ARHGAP42: variants seen among roughly 807,000 people sequenced by gnomAD.
ARHGAP42 encodes rho GTPase-activating protein 42.
Under a neutral mutation model 125.0 loss-of-function variants are expected in ARHGAP42, and 63 were observed. The ratio of observed to expected loss-of-function variants is 0.50; its 90% confidence interval spans 0.41 to 0.62. The LOEUF (loss-of-function observed/expected upper bound fraction) is 0.62. Ranked by LOEUF, ARHGAP42 falls within the 20% of genes least tolerant of loss-of-function variation. The pLI is 0.00. For missense variants in ARHGAP42, 766 were observed against 1,024.2 expected, an observed-to-expected ratio of 0.75 and a Z score of 3.44; for synonymous variants, 339 against 351.0, an observed-to-expected ratio of 0.97 and a Z score of 0.38.
intron 1 of ARHGAP42, among the ~76,000 whole-genome samples, chr11:100,733,825 G>GAA (rs551074447): frequency 0.23 from 7,269 of 31,368 alleles, 1,814 homozygotes; most frequent in Non-Finnish European, 0.26. Flanking sequence ...ATTCTGTCTG[G>GAA]AAAAAAAAAA....
At chr11:100,784,286 G>C (rs626558) in intron 2 of ARHGAP42, among the ~76,000 whole-genome samples, 76,301 of 151,954 alleles carry the variant, frequency 0.5, 19,990 homozygotes, top group South Asian at 0.63. Context: ...CAAATTATTT[G>C]CAGTTTGGAG....
intron 2 of ARHGAP42, among the ~76,000 whole-genome samples, chr11:100,773,852 GT>G (rs1863042540): frequency 6.6e-6 from 1 of 152,200 alleles, no homozygotes; most frequent in African/African-American, 2.4e-5. Context: ...GCTTTGTGAA[GT>G]TAAATCTCAG....
chr11:100,739,556 T>G (rs1323489078), intron 1 of ARHGAP42, among the ~76,000 whole-genome samples: 3 of 152,218 alleles, frequency 2.0e-5, no homozygotes, highest in Non-Finnish European at 4.4e-5. Context: ...ATATTTTGCA[T>G]AGTGAAGTGT....
chr11:100,969,542 AT>A (rs888348036), intron 17 of ARHGAP42, among the ~76,000 whole-genome samples: 3 of 150,648 alleles, frequency 2.0e-5, no homozygotes, highest in Non-Finnish European at 3.0e-5. Flanking sequence ...ATCTTTCTTT[AT>A]TTTTTTCTTT....
At chr11:100,883,451 T>A (rs1196879631) in intron 4 of ARHGAP42, among the ~76,000 whole-genome samples, 1 of 152,156 alleles carries the variant, frequency 6.6e-6, no homozygotes, top group Non-Finnish European at 1.5e-5. Context: ...CAAGCAATTC[T>A]CCTGCCTCAG....
chr11:100,923,170 C>G (rs1423093824), intron 6 of ARHGAP42, among the ~76,000 whole-genome samples: 5 of 152,174 alleles, frequency 3.3e-5, no homozygotes, highest in Non-Finnish European at 7.3e-5. Context: ...TTCCCATTGA[C>G]TAAGTCCCAC....
At chr11:100,870,589 A>G (rs1160118658) in intron 4 of ARHGAP42, among the ~76,000 whole-genome samples, 1 of 152,168 alleles carries the variant, frequency 6.6e-6, no homozygotes, top group Admixed American at 6.5e-5. Flanking sequence ...TAGAAGCTAT[A>G]TGTTATTTCT....
chr11:100,729,442 TGAATTTGGCCCA>T (rs1184405190), intron 1 of ARHGAP42, among the ~76,000 whole-genome samples: 1 of 152,196 alleles, frequency 6.6e-6, no homozygotes, highest in Non-Finnish European at 1.5e-5. Flanking sequence ...GCTTCTGTTG[TGAATTTGGCCCA>T]GTTTTGGAGC....
chr11:100,766,689 G>A (rs1862837289), intron 1 of ARHGAP42, among the ~76,000 whole-genome samples: 1 of 152,178 alleles, frequency 6.6e-6, no homozygotes, highest in Admixed American at 6.6e-5. Flanking sequence ...TTTAGAGGTT[G>A]ATCATTATTA....
intron 3 of ARHGAP42, among the ~76,000 whole-genome samples, chr11:100,804,744 C>T (rs961147812): frequency 2.6e-5 from 4 of 151,906 alleles, no homozygotes; most frequent in Admixed American, 2.0e-4. Context: ...AAACTCCTGA[C>T]CTCGTGATCC....
At position 100,794,075 on chromosome 11, in the gene ARHGAP42, C is replaced by CAAAAAAAAAAAAAAAA. The variant is rs869272420; in HGVS notation, c.251-1008_251-993dup. Reference sequence around the variant, plus strand: ...CGAACAACAGAGCTAGACCCTGTCTCAAAAAAAAAAAAAAAAAAAAAAAAA... The same window carrying CAAAAAAAAAAAAAAAA: ...CGAACAACAGAGCTAGACCCTGTCTCAAAAAAAAAAAAAAAAAAAAAAAAAAAAAAAAAAAAAAAAA... On this transcript the variant is annotated intron_variant, in intron 2 of 23. Transcript: ENST00000298815. Among the ~76,000 whole-genome samples the CAAAAAAAAAAAAAAAA allele has an allele frequency of 6.7e-5, 3 of 44,844 alleles. 1 individual carries two copies. The highest frequency in any genetic ancestry group is 2.1e-4 in the African/African-American group (3 of 14,294). The allele number at this position is 44,844 out of a possible 152,430, so 29.4% of individuals were successfully genotyped here.
intron 1 of ARHGAP42, among the ~76,000 whole-genome samples, chr11:100,761,118 T>G: frequency 6.6e-6 from 1 of 151,760 alleles, no homozygotes; most frequent in African/African-American, 2.4e-5. Context: ...GGTAACTTAG[T>G]ATTTGTAGTT....
At chr11:100,881,764 G>C (rs768566041) in intron 4 of ARHGAP42, among the ~76,000 whole-genome samples, 5 of 152,164 alleles carry the variant, frequency 3.3e-5, no homozygotes, top group Non-Finnish European at 7.4e-5. Context: ...CAGCAGTGTT[G>C]TAGTTTTCCT....
Position 100,904,730 on chromosome 11 carries a change from A to G in ARHGAP42, c.385-8722A>G, listed in dbSNP as rs148777459. On this transcript the variant is annotated intron_variant, in intron 4 of 23. Coordinates refer to ENST00000298815, the MANE Select transcript of ARHGAP42 (RefSeq NM_152432.4). ...GGTTGCATTTTACTTTGCAAGGAAC[A>G]TGGAACTGGGAACCAGATAGATTTA... Among the ~76,000 whole-genome samples, 880 of 152,340 alleles carry G rather than the reference A, an allele frequency of 5.8e-3. 5 individuals are homozygous for G. The highest frequency in any genetic ancestry group is 0.02 in the African/African-American group (841 of 41,572).
chr11:100,942,433 C>T (rs1201170014), intron 9 of ARHGAP42, among the ~76,000 whole-genome samples: 7 of 152,128 alleles, frequency 4.6e-5, no homozygotes, highest in Non-Finnish European at 1.0e-4. Flanking sequence ...GTATAGAATA[C>T]AATGTACTTT....
intron 1 of ARHGAP42, among the ~76,000 whole-genome samples, chr11:100,720,806 CTG>C (rs1565540823): frequency 6.6e-6 from 1 of 151,952 alleles, no homozygotes; most frequent in East Asian, 1.9e-4. Context: ...AAAAATTTAA[CTG>C]TTTTTACCAT....
chr11:100,898,391 G>A (rs915900979), intron 4 of ARHGAP42, among the ~76,000 whole-genome samples: 1 of 152,116 alleles, frequency 6.6e-6, no homozygotes, highest in Non-Finnish European at 1.5e-5. Flanking sequence ...TTTTTCTATT[G>A]ATTGGAATAA....
intron 4 of ARHGAP42, among the ~76,000 whole-genome samples, chr11:100,873,756 G>T (rs1479742055): frequency 2.0e-5 from 3 of 152,126 alleles, no homozygotes; most frequent in African/African-American, 7.2e-5. Flanking sequence ...TTACTAATGA[G>T]TAAACTGAGC....
intron 10 of ARHGAP42, 44 bp from the exon 11 acceptor site, chr11:100,948,413 A>T: frequency 7.4e-7 from 1 of 1,347,148 alleles, no homozygotes; most frequent in Non-Finnish European, 1.0e-6. Flanking sequence ...AGAATTTAAA[A>T]AGTAGTAAAT....
Sources: gnomAD v4.1 joint callset for allele counts (sites outside exome capture counted in the v4.1 genomes callset) on GRCh38, gnomAD v4.1.1 for gene constraint, MANE v1.5 for transcripts, NCBI Gene and HGNC (gene_info 2026-07-23, HGNC 2026-07-21) for gene names.